The following PRSS23 variants were observed in gnomAD, a reference collection of about 807,000 sequenced individuals.
PRSS23 encodes the protein serine protease 23.
Under a neutral mutation model 34.7 loss-of-function variants are expected in PRSS23, and 25 were observed. The ratio of observed to expected loss-of-function variants is 0.72; its 90% CI spans 0.53 to 1.01. The LOEUF (loss-of-function observed/expected upper bound fraction) is 1.01, where lower values mean the gene tolerates loss of function less well. PRSS23 is among the 50% of genes least tolerant of loss of function. The pLI is 0.00. For missense variants in PRSS23, 445 were observed against 475.6 expected (o/e 0.94, Z 0.60); for synonymous variants, 176 against 186.6 (o/e 0.94, Z 0.46).
rs752990226 is a variant in PRSS23 at position 86,951,297 on chromosome 11, C to A, written c.*12C>A. The A allele has an allele frequency of 2.5e-6, 4 of 1,614,120 alleles. No individual in the cohort carries two copies. Among genetic ancestry groups the A allele is most frequent in the African/African-American group, 1.3e-5 (1 of 75,020 alleles). On this transcript the variant is annotated 3_prime_UTR_variant, in exon 3 of 3. Transcript: ENST00000533902. ...ATCCACATGCCTGAAGTGATGCCCA[C>A]CAACAAAGACATAAAAATTTTCAAC... is the stretch of plus-strand genomic sequence containing the variant.
At chr11:86,885,879 G>T (rs1013545088) in intron 2 of PRSS23, among the ~76,000 whole-genome samples, 3 of 152,164 alleles carry the variant, frequency 2.0e-5, no homozygotes, top group African/African-American at 4.8e-5. Flanking sequence ...TTTAAAAGAA[G>T]AATTCAGAAA....
chr11:86,861,083 T>G (rs531847825), intron 2 of PRSS23, among the ~76,000 whole-genome samples: 3 of 151,884 alleles, frequency 2.0e-5, no homozygotes, highest in African/African-American at 7.3e-5. Context: ...ACGGGAAAGA[T>G]AATATTACTC....
intron 2 of PRSS23, among the ~76,000 whole-genome samples, chr11:86,824,463 T>C (rs1948282803): frequency 6.8e-6 from 1 of 146,384 alleles, no homozygotes. Flanking sequence ...TCTTTTTATC[T>C]TTTTTTTTTT....
At chr11:86,888,381 C>T (rs1327822189) in intron 2 of PRSS23, among the ~76,000 whole-genome samples, 5 of 151,928 alleles carry the variant, frequency 3.3e-5, no homozygotes, top group Non-Finnish European at 5.9e-5. Context: ...TATAATAAAT[C>T]GTGGACACTT....
intron 1 of PRSS23, chr11:86,821,615 T>C (rs2134874224): frequency 6.2e-7 from 1 of 1,601,628 alleles, no homozygotes; most frequent in Non-Finnish European, 8.5e-7. Context: ...TAAATGTTCA[T>C]ACTTCCATAA....
chr11:86,857,650 C>T (rs770503872), intron 2 of PRSS23: 6 of 529,442 alleles, frequency 1.1e-5, no homozygotes, highest in East Asian at 5.4e-5. Flanking sequence ...GGCCACAAAT[C>T]GGTCATAGGC....
At chr11:86,863,576 C>T (rs1399163608) in intron 2 of PRSS23, among the ~76,000 whole-genome samples, 1 of 152,192 alleles carries the variant, frequency 6.6e-6, no homozygotes, top group African/African-American at 2.4e-5. Flanking sequence ...GTCACAGGGA[C>T]ATTTCTCATA....
intron 2 of PRSS23, among the ~76,000 whole-genome samples, chr11:86,889,087 C>CT (rs1326865240): frequency 1.3e-5 from 2 of 152,204 alleles, no homozygotes; most frequent in Admixed American, 1.3e-4. Context: ...GAAAATGATT[C>CT]TTTCTGCCCA....
intron 2 of PRSS23, among the ~76,000 whole-genome samples, chr11:86,835,425 T>C (rs928108878): frequency 6.6e-6 from 1 of 152,222 alleles, no homozygotes; most frequent in African/African-American, 2.4e-5. Context: ...CTGTGACATA[T>C]AAAGAAAAGT....
At chr11:86,879,512 C>T (rs1353926902) in intron 2 of PRSS23, among the ~76,000 whole-genome samples, 2 of 123,506 alleles carry the variant, frequency 1.6e-5, no homozygotes, top group African/African-American at 3.0e-5. Context: ...GGATCAGCCC[C>T]CCACCCGGCC....
intron 2 of PRSS23, among the ~76,000 whole-genome samples, chr11:86,880,207 C>A (rs1304435185): frequency 6.6e-6 from 1 of 151,934 alleles, no homozygotes; most frequent in Non-Finnish European, 1.5e-5. Flanking sequence ...GGATTAAGGG[C>A]GGTGTAAGAT....
Position 86,886,179 on chromosome 11 carries a change from C to G in PRSS23, c.206+62586C>G, listed in dbSNP as rs142740937. Reference sequence around the variant, plus strand: ...AGGAGATTGAGGCCAGCCTGGACAACAGTGAGACCCCATCTCTAATAATAA... The same window carrying G: ...AGGAGATTGAGGCCAGCCTGGACAAGAGTGAGACCCCATCTCTAATAATAA... On this transcript the variant is annotated intron_variant, in intron 2 of 2. Transcript: ENST00000533902. 5.1e-3 allele frequency among the ~76,000 whole-genome samples: 784 copies of G among 152,248 alleles called. 4 individuals are homozygous for G. Among genetic ancestry groups the G allele is most frequent in the African/African-American group, 0.018 (733 of 41,528 alleles).
At chr11:86,889,272 A>G (rs1948825388) in intron 2 of PRSS23, among the ~76,000 whole-genome samples, 1 of 152,148 alleles carries the variant, frequency 6.6e-6, no homozygotes, top group Non-Finnish European at 1.5e-5. Flanking sequence ...CAGATCAGGG[A>G]CCTCTGAAAT....
chr11:86,842,718 T>A (rs193016668), intron 2 of PRSS23, among the ~76,000 whole-genome samples: 1 of 152,334 alleles, frequency 6.6e-6, no homozygotes, highest in African/African-American at 2.4e-5. Context: ...TTACAAGGGA[T>A]GTGAAGGACC....
At chr11:86,885,298 T>C (rs189954389) in intron 2 of PRSS23, among the ~76,000 whole-genome samples, 96 of 152,368 alleles carry the variant, frequency 6.3e-4, no homozygotes, top group Middle Eastern at 3.4e-3. Context: ...TTCCCGGCAC[T>C]GTGATGGAAT....
chr11:86,812,693 C>G (rs966254303), downstream of PRSS23, among the ~76,000 whole-genome samples: 7 of 148,048 alleles, frequency 4.7e-5, no homozygotes, highest in African/African-American at 1.8e-4. Context: ...GAAGCTAAGG[C>G]AGGAGAATCG....
intron 2 of PRSS23, chr11:86,934,680 C>T (rs1949149499): frequency 6.6e-6 from 1 of 152,212 alleles, no homozygotes; most frequent in South Asian, 2.1e-4. Flanking sequence ...TAGAGGATGC[C>T]TTCAAGTTTT....
At chr11:86,815,723 TG>T (rs1948210916), downstream of PRSS23, among the ~76,000 whole-genome samples, 1 of 152,218 alleles carries the variant, frequency 6.6e-6, no homozygotes, top group African/African-American at 2.4e-5. Flanking sequence ...AGGAAATATT[TG>T]TGAGAAAGTG....
At chr11:86,875,031 A>G (rs1020127408) in intron 2 of PRSS23, among the ~76,000 whole-genome samples, 41 of 152,208 alleles carry the variant, frequency 2.7e-4, no homozygotes, top group African/African-American at 9.7e-4. Flanking sequence ...GACCCCAAGC[A>G]TGATTGTTTC....
Sources: allele counts gnomAD v4.1 joint callset (sites outside exome capture counted in the v4.1 genomes callset), GRCh38; gene constraint gnomAD v4.1.1; transcripts MANE v1.5; gene names NCBI Gene and HGNC (gene_info 2026-07-23, HGNC 2026-07-21).